Variants in IPO11 observed in about 807,000 individuals in gnomAD.
IPO11 encodes the protein importin-11.
Under a neutral mutation model 143.2 loss-of-function variants are expected in IPO11, and 66 were observed. The ratio of observed to expected loss-of-function variants is 0.46; its 90% confidence interval spans 0.38 to 0.57. The LOEUF (loss-of-function observed/expected upper bound fraction) is 0.57. IPO11 is among the 20% of genes least tolerant of loss of function. IPO11 has a pLI of 0.00. For missense variants in IPO11, 1,026 were observed against 1,141.0 expected (o/e 0.90, Z 1.45); for synonymous variants, 385 against 377.8 (o/e 1.02, Z -0.22).
chr5:62,548,488 G>A lies in IPO11; in HGVS notation c.2251-1879G>A, dbSNP rs750659799. On this transcript the variant is annotated intron_variant, in intron 24 of 29. Transcript: ENST00000325324. ...AAATGCATTCCATTGGGCACTGATG[G>A]GCTCTTATAGTCTGGAAGCAATCTC... Among the ~76,000 whole-genome samples, 45 of 152,142 alleles carry A rather than the reference G, an allele frequency of 3.0e-4. No homozygotes were observed. The Middle Eastern group carries it at 0.01, about 34-fold the overall frequency.
intron 19 of IPO11, among the ~76,000 whole-genome samples, chr5:62,510,598 A>T (rs998628461): frequency 6.6e-6 from 1 of 152,094 alleles, no homozygotes; most frequent in African/African-American, 2.4e-5. Flanking sequence ...CAGTATTCAG[A>T]TTTCCTTAGT....
intron 16 of IPO11, among the ~76,000 whole-genome samples, chr5:62,496,315 C>T (rs781639784): frequency 1.2e-4 from 18 of 151,228 alleles, no homozygotes; most frequent in Non-Finnish European, 2.4e-4. Flanking sequence ...AAAAGAAGTA[C>T]GTTTGCATTA....
chr5:62,428,783 G>A (rs1034423142), intron 1 of IPO11, among the ~76,000 whole-genome samples: 3 of 152,108 alleles, frequency 2.0e-5, no homozygotes, highest in African/African-American at 7.2e-5. Context: ...AGCCTCCTGA[G>A]TAGCTAGCTG....
intron 15 of IPO11, among the ~76,000 whole-genome samples, chr5:62,491,313 T>G (rs1330500896): frequency 6.6e-6 from 1 of 152,238 alleles, no homozygotes; most frequent in African/African-American, 2.4e-5. Context: ...CATATATTTT[T>G]AACACTTGGA....
At chr5:62,508,407 C>G (rs1367196530) in intron 19 of IPO11, among the ~76,000 whole-genome samples, 1 of 151,726 alleles carries the variant, frequency 6.6e-6, no homozygotes, top group Non-Finnish European at 1.5e-5. Flanking sequence ...CTTGGCCTTC[C>G]AAAGTGCTGG....
At chr5:62,437,479 T>C in intron 2 of IPO11, 62 bp downstream of exon 2, 1 of 1,442,818 alleles carries the variant, frequency 6.9e-7, no homozygotes, top group Non-Finnish European at 9.4e-7. Flanking sequence ...TTAATTTGTT[T>C]TAAAACCCTA....
At chr5:62,469,582 G>T (rs1745695931) in intron 6 of IPO11, among the ~76,000 whole-genome samples, 1 of 152,066 alleles carries the variant, frequency 6.6e-6, no homozygotes, top group African/African-American at 2.4e-5. Context: ...CATATACCAT[G>T]GAATCCATCA....
At chr5:62,430,307 C>T (rs1254336651) in intron 1 of IPO11, among the ~76,000 whole-genome samples, 1 of 152,158 alleles carries the variant, frequency 6.6e-6, no homozygotes, top group Non-Finnish European at 1.5e-5. Context: ...ATGAGGGTTG[C>T]AGTTTCTCCT....
intron 1 of IPO11, among the ~76,000 whole-genome samples, chr5:62,436,613 C>T (rs930306763): frequency 2.0e-5 from 3 of 152,180 alleles, no homozygotes; most frequent in African/African-American, 7.2e-5. Context: ...TGAATGGCTT[C>T]AGCTACATGG....
Position 62,504,860 on chromosome 5 carries a change from G to A in IPO11, c.1627G>A (p.Val543Ile). 3.2e-6 allele frequency: 5 copies of A among 1,556,972 alleles called. No homozygotes were observed. The highest frequency in any genetic ancestry group is 4.4e-6 in the Non-Finnish European group (5 of 1,142,724). ...AGTATTCCTTAACTGTTCTTCACCT[G>A]TTGATGATTTTGAATTTAGAACAGA... ...IETATTLKLT[V>I]DDFEFRTDQF... Residue 543 changes from valine to isoleucine, a missense_variant and splice_region_variant, in exon 18 of 30, where the codon GTT (valine) becomes ATT (isoleucine). Val to Ile is a conservative substitution (Grantham distance 29). Coordinates refer to ENST00000325324, the MANE Select transcript of IPO11 (RefSeq NM_016338.5).
chr5:62,517,465 C>A (rs1248299050), intron 20 of IPO11, among the ~76,000 whole-genome samples: 2 of 152,122 alleles, frequency 1.3e-5, no homozygotes, highest in African/African-American at 4.8e-5. Context: ...TGCAATGGTG[C>A]GATCTTGGCT....
intron 5 of IPO11, among the ~76,000 whole-genome samples, chr5:62,459,405 TAAATA>T (rs1011493106): frequency 4.6e-5 from 7 of 151,984 alleles, no homozygotes; most frequent in African/African-American, 1.7e-4. Context: ...AATAAATAAA[TAAATA>T]AATATTAGTT....
At chr5:62,625,707 A>AT (rs1411799432) in intron 29 of IPO11, among the ~76,000 whole-genome samples, 1 of 152,222 alleles carries the variant, frequency 6.6e-6, no homozygotes, top group Non-Finnish European at 1.5e-5. Flanking sequence ...CTAACCTTGA[A>AT]TGTCATTCAG....
intron 22 of IPO11, among the ~76,000 whole-genome samples, chr5:62,532,081 A>G (rs967130871): frequency 2.0e-5 from 3 of 152,150 alleles, no homozygotes; most frequent in Non-Finnish European, 2.9e-5. Context: ...CCTTTTACCA[A>G]CTTTGTCGTG....
At chr5:62,600,337 T>C (rs899227962) in intron 28 of IPO11, among the ~76,000 whole-genome samples, 3 of 152,212 alleles carry the variant, frequency 2.0e-5, no homozygotes, top group African/African-American at 7.2e-5. Flanking sequence ...TATGCCACCA[T>C]GCCCAGTCTT....
intron 24 of IPO11, among the ~76,000 whole-genome samples, chr5:62,540,898 A>G (rs1389352354): frequency 6.6e-6 from 1 of 152,262 alleles, no homozygotes; most frequent in East Asian, 1.9e-4. Flanking sequence ...AGGCAAAATA[A>G]TTTGGCTGTA....
At position 62,447,150 on chromosome 5, in the gene IPO11, G is replaced by T. The variant is rs145071484; in HGVS notation, c.240-2777G>T. The stretch of plus-strand genomic sequence containing the variant: ...AGACAGGGTTTTGTTCTGTTGCCCA[G>T]GCTAGAGTGCAGTGATGCAATCATA... On this transcript the variant is annotated intron_variant, in intron 3 of 29. Coordinates refer to ENST00000325324, the MANE Select transcript of IPO11 (RefSeq NM_016338.5). Among the ~76,000 whole-genome samples the T allele has an allele frequency of 6.6e-3, 1,005 of 151,916 alleles. 14 individuals carry two copies. Among genetic ancestry groups the T allele is most frequent in the African/African-American group, 0.021 (858 of 41,408 alleles).
chr5:62,614,144 C>T (rs1306110295), intron 29 of IPO11, among the ~76,000 whole-genome samples: 5 of 152,138 alleles, frequency 3.3e-5, no homozygotes, highest in Admixed American at 3.3e-4. Flanking sequence ...AAATAAAACA[C>T]ATAGAAAAGG....
chr5:62,585,917 A>C (rs533004573), intron 27 of IPO11, among the ~76,000 whole-genome samples: 1 of 152,204 alleles, frequency 6.6e-6, no homozygotes, highest in Non-Finnish European at 1.5e-5. Flanking sequence ...TTCTAGCATG[A>C]GTCACTGGGT....
Sources: allele counts gnomAD v4.1 joint callset (sites outside exome capture counted in the v4.1 genomes callset), GRCh38; gene constraint gnomAD v4.1.1; transcripts MANE v1.5; gene names NCBI Gene and HGNC (gene_info 2026-07-23, HGNC 2026-07-21).